OCA2: variants seen among roughly 807,000 people sequenced by gnomAD.
OCA2 encodes OCA2 melanosomal transmembrane protein, also known as P protein.
Under a neutral mutation model 100.2 loss-of-function variants are expected in OCA2, and 77 were observed. That is an observed-to-expected ratio of 0.77 (90% CI 0.64 to 0.93). OCA2 has a LOEUF of 0.93. Among genes scored for constraint, OCA2 ranks in the 40% least tolerant of loss-of-function variants. The pLI is 0.00. For missense variants in OCA2, 1,062 were observed against 1,089.1 expected (o/e 0.98, Z 0.35); for synonymous variants, 432 against 439.2 (o/e 0.98, Z 0.21).
At position 27,796,505 on chromosome 15, in the gene OCA2, G is replaced by A. The variant is rs187958742; in HGVS notation, c.2433-41033C>T. On this transcript the variant is annotated intron_variant, in intron 23 of 23. Transcript: ENST00000354638. ...CGAGTGCTGGTGTCCGCCAGAGAGT[G>A]TAATGGGGCTAAGCAGAGAGTCTGG... is the stretch of plus-strand genomic sequence containing the variant. Among the ~76,000 whole-genome samples, 94 of 152,368 alleles carry A rather than the reference G, an allele frequency of 6.2e-4. 1 individual carries two copies. The highest frequency in any genetic ancestry group is 3.4e-3 in the Middle Eastern group (1 of 294).
the OCA2 span, among the ~76,000 whole-genome samples, chr15:27,726,830 ATGT>A: frequency 6.6e-6 from 1 of 152,188 alleles, no homozygotes; most frequent in Non-Finnish European, 1.5e-5. Context: ...TGAAGAAGAA[ATGT>A]TCTTCGTCTC....
intron 2 of OCA2, among the ~76,000 whole-genome samples, chr15:28,075,072 G>A: frequency 6.6e-6 from 1 of 152,046 alleles, no homozygotes; most frequent in East Asian, 1.9e-4. Flanking sequence ...ACTTCTAAAA[G>A]AACAAACAGA....
At chr15:27,990,166 C>T (rs1364355417) in intron 10 of OCA2, among the ~76,000 whole-genome samples, 2 of 152,134 alleles carry the variant, frequency 1.3e-5, no homozygotes, top group Admixed American at 6.5e-5. Flanking sequence ...ACACCCTCAT[C>T]CCCAAACACG....
chr15:27,934,585 A>G (rs1406129462), intron 18 of OCA2, among the ~76,000 whole-genome samples: 1 of 152,220 alleles, frequency 6.6e-6, no homozygotes, highest in East Asian at 1.9e-4. Flanking sequence ...CTATATAGCA[A>G]TAAGAAGCTC....
intron 19 of OCA2, among the ~76,000 whole-genome samples, chr15:27,925,337 A>G (rs1321165138): frequency 6.6e-6 from 1 of 152,240 alleles, no homozygotes; most frequent in African/African-American, 2.4e-5. Flanking sequence ...ACCGTAAAAC[A>G]AGTCTTAATA....
At chr15:27,986,138 CA>C (rs1324911037) in intron 12 of OCA2, among the ~76,000 whole-genome samples, 1 of 152,182 alleles carries the variant, frequency 6.6e-6, no homozygotes, top group African/African-American at 2.4e-5. Context: ...TCCTGGAGGC[CA>C]GAGCTGGCTG....
At chr15:27,724,394 G>A in the OCA2 span, among the ~76,000 whole-genome samples, 1 of 152,218 alleles carries the variant, frequency 6.6e-6, no homozygotes, top group African/African-American at 2.4e-5. Flanking sequence ...ATCGGTCTCT[G>A]TGTCCACACT....
chr15:27,930,445 G>A (rs146316133), intron 18 of OCA2, among the ~76,000 whole-genome samples: 3 of 151,858 alleles, frequency 2.0e-5, no homozygotes, highest in Admixed American at 2.0e-4. Flanking sequence ...AAATAGCAGG[G>A]TTTGACAAGC....
intron 9 of OCA2, among the ~76,000 whole-genome samples, chr15:28,000,413 C>T (rs2041890384): frequency 6.6e-6 from 1 of 152,094 alleles, no homozygotes; most frequent in African/African-American, 2.4e-5. Flanking sequence ...TAACCACATA[C>T]AAAAGAATGA....
At chr15:27,736,754 C>T in the OCA2 span, among the ~76,000 whole-genome samples, 2 of 152,164 alleles carry the variant, frequency 1.3e-5, no homozygotes, top group African/African-American at 4.8e-5. Context: ...GTTAAATACA[C>T]AGCAATTCAC....
chr15:27,726,300 AAAATAAAT>A, the OCA2 span, among the ~76,000 whole-genome samples: 4,980 of 146,480 alleles, frequency 0.034, 206 homozygotes, highest in African/African-American at 0.097. Context: ...TCCAGCTCAA[AAAATAAAT>A]AAATAAATAA....
At chr15:27,836,149 G>C (rs1040879715) in intron 23 of OCA2, among the ~76,000 whole-genome samples, 1 of 152,128 alleles carries the variant, frequency 6.6e-6, no homozygotes, top group Non-Finnish European at 1.5e-5. Context: ...TGATTAGAAG[G>C]GTTCAATATA....
chr15:27,945,762 G>C (rs78976996), intron 18 of OCA2, among the ~76,000 whole-genome samples: 3,966 of 152,188 alleles, frequency 0.026, 190 homozygotes, highest in African/African-American at 0.091. Context: ...TTCCAGAACT[G>C]AAATCTAATC....
chr15:27,797,342 G>A (rs2033387560), intron 23 of OCA2, among the ~76,000 whole-genome samples: 1 of 152,154 alleles, frequency 6.6e-6, no homozygotes, highest in Non-Finnish European at 1.5e-5. Context: ...AAAGGGGGCT[G>A]ATTTTATAGA....
At chr15:27,800,379 CAG>C (rs754371436) in intron 23 of OCA2, among the ~76,000 whole-genome samples, 1 of 151,172 alleles carries the variant, frequency 6.6e-6, no homozygotes, top group African/African-American at 2.4e-5. Flanking sequence ...TAAAAAAACA[CAG>C]AATGAAATCG....
intron 18 of OCA2, among the ~76,000 whole-genome samples, chr15:27,934,001 A>G (rs1463234613): frequency 6.6e-6 from 1 of 152,192 alleles, no homozygotes; most frequent in Non-Finnish European, 1.5e-5. Context: ...ATATGTATAT[A>G]TCACATATGG....
At chr15:28,085,909 G>C (rs886089384) in intron 1 of OCA2, among the ~76,000 whole-genome samples, 14 of 152,204 alleles carry the variant, frequency 9.2e-5, no homozygotes, top group Non-Finnish European at 1.5e-4. Context: ...AAGACAGAAA[G>C]CTTTTAGACA....
chr15:27,951,349 G>A (rs939246989), intron 18 of OCA2, among the ~76,000 whole-genome samples: 4 of 152,182 alleles, frequency 2.6e-5, no homozygotes, highest in Non-Finnish European at 4.4e-5. Flanking sequence ...GCAGAGCACC[G>A]GCCATTCGCC....
the OCA2 span, among the ~76,000 whole-genome samples, chr15:27,740,316 C>A: frequency 6.6e-6 from 1 of 152,062 alleles, no homozygotes; most frequent in Non-Finnish European, 1.5e-5. Context: ...AGAAAAAGAT[C>A]AAAAGGTCCC....
Sources: gnomAD v4.1 joint callset for allele counts (sites outside exome capture counted in the v4.1 genomes callset) on GRCh38, gnomAD v4.1.1 for gene constraint, MANE v1.5 for transcripts, NCBI Gene and HGNC (gene_info 2026-07-23, HGNC 2026-07-21) for gene names.